The following MTX2 variants were observed in gnomAD, a reference collection of about 807,000 sequenced individuals.
The protein encoded by MTX2 is metaxin-2.
MTX2 carries 35 observed loss-of-function variants against 42.3 expected under a neutral mutation model. The observed-to-expected ratio is 0.83, with a 90% CI of 0.63 to 1.10. The LOEUF (loss-of-function observed/expected upper bound fraction) is 1.10, where lower values mean the gene tolerates loss of function less well. MTX2 is among the 50% of genes least tolerant of loss of function. The pLI, the probability that MTX2 is intolerant of heterozygous loss-of-function variation, is 0.00. For synonymous variants in MTX2, 119 were observed against 100.9 expected, an observed-to-expected ratio of 1.18 and a Z score of -1.08; for missense variants, 307 against 304.1, an observed-to-expected ratio of 1.01 and a Z score of -0.07.
intron 3 of MTX2, among the ~76,000 whole-genome samples, chr2:176,312,304 G>A (rs532373915): frequency 6.5e-4 from 99 of 152,168 alleles, no homozygotes; most frequent in African/African-American, 2.2e-3. Context: ...TTAAGCAAAT[G>A]TTTATTGAGA....
chr2:176,282,637 G>T (rs190495893), intron 1 of MTX2, among the ~76,000 whole-genome samples: 1 of 151,248 alleles, frequency 6.6e-6, no homozygotes, highest in African/African-American at 2.4e-5. Context: ...TGTATATTAA[G>T]AATTATTGAT....
chr2:176,295,266 A>G (rs970401291), intron 1 of MTX2, among the ~76,000 whole-genome samples: 1 of 152,190 alleles, frequency 6.6e-6, no homozygotes, highest in African/African-American at 2.4e-5. Context: ...ATGATTTAGA[A>G]TTTTATAACG....
intron 3 of MTX2, among the ~76,000 whole-genome samples, chr2:176,322,406 A>G (rs1053821153): frequency 1.3e-5 from 2 of 152,134 alleles, no homozygotes; most frequent in Non-Finnish European, 1.5e-5. Context: ...AGTACTTTCA[A>G]TTTCAAAATA....
At chr2:176,299,819 A>G (rs1347743066) in intron 3 of MTX2, among the ~76,000 whole-genome samples, 1 of 152,088 alleles carries the variant, frequency 6.6e-6, no homozygotes, top group Admixed American at 6.6e-5. Flanking sequence ...ATTATTTTCT[A>G]GAAGATACCA....
chr2:176,304,967 T>C (rs192107413), intron 3 of MTX2, among the ~76,000 whole-genome samples: 3 of 152,182 alleles, frequency 2.0e-5, no homozygotes, highest in African/African-American at 7.2e-5. Flanking sequence ...TTGAATCTCA[T>C]GGTATTAATC....
chr2:176,285,305 G>T (rs1206026174), intron 1 of MTX2, among the ~76,000 whole-genome samples: 1 of 151,662 alleles, frequency 6.6e-6, no homozygotes, highest in Admixed American at 6.6e-5. Context: ...AGTGCAATAA[G>T]TCTTTTAAGA....
At chr2:176,314,214 T>A in intron 3 of MTX2, among the ~76,000 whole-genome samples, 1 of 152,110 alleles carries the variant, frequency 6.6e-6, no homozygotes. Context: ...GACGGGCAGA[T>A]CACTTGAGGC....
At chr2:176,327,143 A>T (rs1213241831) in intron 5 of MTX2, among the ~76,000 whole-genome samples, 1 of 151,242 alleles carries the variant, frequency 6.6e-6, no homozygotes, top group East Asian at 1.9e-4. Flanking sequence ...TAGTCTAAAG[A>T]GATGGTTTGA....
intron 1 of MTX2, among the ~76,000 whole-genome samples, chr2:176,284,283 T>C (rs1693144983): frequency 6.6e-6 from 1 of 152,098 alleles, no homozygotes; most frequent in East Asian, 1.9e-4. Context: ...AGTCTAAACA[T>C]AACCATTTGA....
rs936072659 is a variant in MTX2, at chr2:176,291,546, T to C, written c.41-5314T>C. 9.2e-5 allele frequency among the ~76,000 whole-genome samples: 14 copies of C among 152,196 alleles called. No homozygotes were observed. In the South Asian group the frequency reaches 2.3e-3, roughly 25 times the overall value. ...ACGGGGAGTGCATGCTGTAAGAGCT[T>C]GTAAAAGGAGTGTTTGAACTATTCA... On this transcript the variant is annotated intron_variant, in intron 1 of 9. Coordinates refer to ENST00000249442, the MANE Select transcript of MTX2 (RefSeq NM_006554.5).
chr2:176,317,731 G>C (rs1307461886), intron 3 of MTX2, among the ~76,000 whole-genome samples: 1 of 152,088 alleles, frequency 6.6e-6, no homozygotes, highest in Non-Finnish European at 1.5e-5. Flanking sequence ...CGATCAGTAT[G>C]TATACTTACC....
rs1264867594 is a variant in MTX2, at chr2:176,337,589, T to C, written c.717T>C (p.Tyr239=). 7 of 1,613,526 alleles carry C rather than the reference T, an allele frequency of 4.3e-6. No individual in the cohort carries two copies. The highest frequency in any genetic ancestry group is 1.7e-4 in the Middle Eastern group (1 of 6,058). ...AACTTTCTGAGAAGGTGAAAAACTA[T>C]AGCAACCTCCTTGCTTTCTGTAGGA... ...NDELSEKVKN[Y]SNLLAFCRRI... is the part of the protein sequence containing the mutation. The change falls in exon 10 of 10, where the codon TAT becomes TAC. Residue 239 remains tyrosine (Y), a synonymous_variant. Coordinates refer to ENST00000249442, the MANE Select transcript of MTX2 (RefSeq NM_006554.5).
At chr2:176,290,090 TA>T (rs1293543191) in intron 1 of MTX2, among the ~76,000 whole-genome samples, 1 of 152,168 alleles carries the variant, frequency 6.6e-6, no homozygotes, top group Admixed American at 6.5e-5. Flanking sequence ...TGCTTAGTCC[TA>T]AAAGCCTTTT....
chr2:176,285,959 C>A (rs1005109095), intron 1 of MTX2, among the ~76,000 whole-genome samples: 1 of 152,036 alleles, frequency 6.6e-6, no homozygotes, highest in Non-Finnish European at 1.5e-5. Flanking sequence ...TGAGAAATTG[C>A]CAAACATTTC....
At chr2:176,276,994 G>T (rs1375539103) in intron 1 of MTX2, among the ~76,000 whole-genome samples, 1 of 152,072 alleles carries the variant, frequency 6.6e-6, no homozygotes, top group Non-Finnish European at 1.5e-5. Context: ...GGGCATTTGG[G>T]TGCTTAATTA....
intron 1 of MTX2, among the ~76,000 whole-genome samples, chr2:176,272,125 T>C (rs532997542): frequency 2.6e-5 from 4 of 152,314 alleles, no homozygotes; most frequent in African/African-American, 9.6e-5. Flanking sequence ...GACATTATGC[T>C]AAATGAAATA....
intron 3 of MTX2, among the ~76,000 whole-genome samples, chr2:176,306,334 C>T (rs1157804353): frequency 6.6e-6 from 1 of 152,132 alleles, no homozygotes; most frequent in African/African-American, 2.4e-5. Flanking sequence ...GGGTTGGTTC[C>T]AAGTCTTTAC....
At chr2:176,289,052 A>T (rs1553471923) in intron 1 of MTX2, among the ~76,000 whole-genome samples, 1 of 152,118 alleles carries the variant, frequency 6.6e-6, no homozygotes, top group Non-Finnish European at 1.5e-5. Context: ...GGGTATACTT[A>T]TGTGAATTTA....
intron 1 of MTX2, among the ~76,000 whole-genome samples, chr2:176,294,666 G>A (rs1264074501): frequency 6.6e-6 from 1 of 152,210 alleles, no homozygotes; most frequent in Admixed American, 6.5e-5. Context: ...AGTAGCTTCT[G>A]ATTTATCAGA....
Sources: gnomAD v4.1 joint callset for allele counts (sites outside exome capture counted in the v4.1 genomes callset) on GRCh38, gnomAD v4.1.1 for gene constraint, MANE v1.5 for transcripts, NCBI Gene and HGNC (gene_info 2026-07-23, HGNC 2026-07-21) for gene names.